Variants in INPP4B observed in about 807,000 individuals in gnomAD.
INPP4B encodes the protein inositol polyphosphate-4-phosphatase type II B, also known as inositol polyphosphate 4-phosphatase type II.
INPP4B carries 55 observed loss-of-function variants against 122.5 expected under a neutral mutation model. The ratio of observed to expected loss-of-function variants is 0.45; its 90% CI spans 0.36 to 0.56. The LOEUF (loss-of-function observed/expected upper bound fraction) is 0.56, where lower values mean the gene tolerates loss of function less well. Among genes scored for constraint, INPP4B ranks in the 20% least tolerant of loss-of-function variants. The probability of loss-of-function intolerance (pLI) is 0.00; values close to 1 mark genes in which losing one functional copy is unlikely to be tolerated. For synonymous variants in INPP4B, 403 were observed against 388.7 expected (o/e 1.04, Z -0.43); for missense variants, 1,000 against 1,097.7 (o/e 0.91, Z 1.26).
At chr4:142,782,794 ATGGTAC>A (rs1183034434) in intron 1 of INPP4B, among the ~76,000 whole-genome samples, 1 of 152,198 alleles carries the variant, frequency 6.6e-6, no homozygotes, top group Non-Finnish European at 1.5e-5. Flanking sequence ...CCAAAACAGC[ATGGTAC>A]TGGTACCAAA....
At chr4:142,059,499 G>A (rs1759486481) in intron 25 of INPP4B, among the ~76,000 whole-genome samples, 2 of 152,068 alleles carry the variant, frequency 1.3e-5, no homozygotes, top group African/African-American at 4.8e-5. Context: ...TTCATGAGAA[G>A]GAACACAACA....
At chr4:142,260,659 G>T in intron 10 of INPP4B, 95 bp from the exon 11 acceptor site, 3 of 793,396 alleles carry the variant, frequency 3.8e-6, no homozygotes, top group African/African-American at 1.8e-5. Context: ...CTATGTACAT[G>T]GTTTCAAAAA....
At chr4:142,578,878 C>T (rs1160530771) in intron 2 of INPP4B, among the ~76,000 whole-genome samples, 1 of 151,940 alleles carries the variant, frequency 6.6e-6, no homozygotes, top group East Asian at 1.9e-4. Context: ...ATTACATTTT[C>T]ATGTAAATTT....
intron 5 of INPP4B, chr4:142,427,456 T>A: frequency 1.5e-6 from 1 of 678,300 alleles, no homozygotes; most frequent in Non-Finnish European, 2.7e-6. Flanking sequence ...CAGCTGCTAA[T>A]CTCTTAATTC....
Position 142,042,598 on chromosome 4 carries a change from C to T in INPP4B, c.2643-13684G>A, listed in dbSNP as rs752355126. Among the ~76,000 whole-genome samples, 31 of 151,658 alleles carry T rather than the reference C, an allele frequency of 2.0e-4. 1 individual carries two copies. The highest frequency in any genetic ancestry group is 1.6e-3 in the Admixed American group (24 of 15,210). On this transcript the variant is annotated intron_variant, in intron 25 of 25. Transcript: ENST00000262992. The stretch of plus-strand genomic sequence containing the variant: ...TTTATTTTTAGACAGAGTCTCACTC[C>T]GTCGCCCAGGCTGGAGTGCAGTGAT...
At chr4:142,342,493 A>T (rs1475807599) in intron 7 of INPP4B, among the ~76,000 whole-genome samples, 1 of 151,774 alleles carries the variant, frequency 6.6e-6, no homozygotes, top group Non-Finnish European at 1.5e-5. Flanking sequence ...CAATCTCTCA[A>T]CTCTTAGGTA....
chr4:142,203,073 G>T (rs985313352), intron 14 of INPP4B, among the ~76,000 whole-genome samples: 2 of 152,110 alleles, frequency 1.3e-5, no homozygotes, highest in Non-Finnish European at 2.9e-5. Flanking sequence ...AAACTCCATT[G>T]ATTCAGCTTG....
chr4:142,413,105 A>G (rs1804949116), intron 5 of INPP4B, among the ~76,000 whole-genome samples: 1 of 152,196 alleles, frequency 6.6e-6, no homozygotes, highest in African/African-American at 2.4e-5. Flanking sequence ...CATAAGAGAT[A>G]TTTGTTGGAA....
chr4:142,216,118 T>G (rs1847142682), intron 12 of INPP4B, among the ~76,000 whole-genome samples: 1 of 152,078 alleles, frequency 6.6e-6, no homozygotes, highest in Admixed American at 6.6e-5. Context: ...TACTTTCAAA[T>G]GTTCTCTCTT....
chr4:142,248,184 AGAG>A (rs1368388541), intron 11 of INPP4B, among the ~76,000 whole-genome samples: 1 of 152,048 alleles, frequency 6.6e-6, no homozygotes, highest in Non-Finnish European at 1.5e-5. Flanking sequence ...TTTCCCTTTA[AGAG>A]GGTATCAGTG....
chr4:142,640,898 C>T (rs894695946), intron 2 of INPP4B, among the ~76,000 whole-genome samples: 5 of 152,036 alleles, frequency 3.3e-5, no homozygotes, highest in African/African-American at 1.2e-4. Context: ...AGCAGATTGG[C>T]TAAAATTTAA....
chr4:142,440,223 T>C (rs1811395472), intron 3 of INPP4B, among the ~76,000 whole-genome samples: 1 of 152,154 alleles, frequency 6.6e-6, no homozygotes, highest in Admixed American at 6.5e-5. Flanking sequence ...AATTCAGTCT[T>C]AGTAGGAGGA....
chr4:142,296,052 C>T (rs755651406), intron 9 of INPP4B, among the ~76,000 whole-genome samples: 3 of 149,464 alleles, frequency 2.0e-5, no homozygotes, highest in Non-Finnish European at 3.0e-5. Context: ...TCTTTGTGTA[C>T]AGATATTAAC....
intron 2 of INPP4B, among the ~76,000 whole-genome samples, chr4:142,643,123 C>T (rs982418084): frequency 1.3e-5 from 2 of 152,042 alleles, no homozygotes; most frequent in Non-Finnish European, 2.9e-5. Context: ...GATTTTGTAT[C>T]CTGAGACTTT....
intron 2 of INPP4B, among the ~76,000 whole-genome samples, chr4:142,515,183 G>T (rs771709171): frequency 2.6e-5 from 4 of 152,120 alleles, no homozygotes; most frequent in Non-Finnish European, 4.4e-5. Flanking sequence ...ATTACTCTTT[G>T]AATGGCCTCC....
intron 7 of INPP4B, among the ~76,000 whole-genome samples, chr4:142,387,303 A>G (rs1448337367): frequency 3.3e-5 from 5 of 152,098 alleles, no homozygotes; most frequent in Non-Finnish European, 7.4e-5. Flanking sequence ...AGGGAACCTG[A>G]GAAAAAGCTA....
intron 2 of INPP4B, among the ~76,000 whole-genome samples, chr4:142,537,425 TATATAGAGAGAG>T (rs1374526088): frequency 6.4e-3 from 260 of 40,936 alleles, no homozygotes; most frequent in Middle Eastern, 0.031. Context: ...TATATATATA[TATATAGAGAGAG>T]AGAGAGAGAG....
chr4:142,502,082 C>T (rs1351878402), intron 2 of INPP4B, among the ~76,000 whole-genome samples: 1 of 152,162 alleles, frequency 6.6e-6, no homozygotes, highest in Non-Finnish European at 1.5e-5. Context: ...TCAGATTTGT[C>T]AGATGTTTGG....
intron 3 of INPP4B, among the ~76,000 whole-genome samples, chr4:142,462,390 T>G (rs75136661): frequency 0.017 from 2,579 of 152,294 alleles, 75 homozygotes; most frequent in African/African-American, 0.058. Flanking sequence ...ATGCATTAAT[T>G]TAATAATAAG....
Sources: gnomAD v4.1 joint callset for allele counts (sites outside exome capture counted in the v4.1 genomes callset) on GRCh38, gnomAD v4.1.1 for gene constraint, MANE v1.5 for transcripts, NCBI Gene and HGNC (gene_info 2026-07-23, HGNC 2026-07-21) for gene names.